CDCA7: variants seen among roughly 807,000 people sequenced by gnomAD.
The protein encoded by CDCA7 is cell division cycle associated 7, also known as cell division cycle-associated protein 7.
CDCA7 carries 28 observed loss-of-function variants against 54.0 expected under a neutral mutation model. The ratio of observed to expected loss-of-function variants is 0.52; its 90% confidence interval spans 0.38 to 0.71. CDCA7 has a LOEUF of 0.71. Ranked by LOEUF, CDCA7 falls within the 30% of genes least tolerant of loss-of-function variation. The probability of loss-of-function intolerance (pLI) is 0.00; values close to 1 mark genes in which losing one functional copy is unlikely to be tolerated. For missense variants in CDCA7, 484 were observed against 586.0 expected, an observed-to-expected ratio of 0.83 and a Z score of 1.80; for synonymous variants, 180 against 208.2, an observed-to-expected ratio of 0.86 and a Z score of 1.16.
rs761129739 is a variant in CDCA7 at position 173,354,981 on chromosome 2, G to A, written c.18G>A (p.Val6=). The A allele has an allele frequency of 1.0e-5, 15 of 1,431,204 alleles. No homozygotes were observed. In the Admixed American group the frequency reaches 4.3e-4, roughly 41 times the overall value. 88.7% of individuals were successfully genotyped at this position (1,431,204 alleles called of 1,614,324 possible). A position where few individuals can be genotyped will look rare whatever the true frequency, so the allele number is the denominator to read the frequency against. Residue 6 remains valine, a synonymous_variant, in exon 1 of 10, where the codon GTG becomes GTA. Coordinates refer to ENST00000306721, the MANE Select transcript of CDCA7 (RefSeq NM_031942.5). MDARR[V]PQKDLRVKKN... is the part of the protein sequence containing the mutation. ...CCACCAGCATGGACGCTCGCCGCGT[G>A]CCGGTGAGGGCTGGGCGGGCGAACC... is the stretch of plus-strand genomic sequence containing the variant.
chr2:173,367,321 A>G, intron 9 of CDCA7, 35 bp downstream of exon 9: 1 of 1,613,116 alleles, frequency 6.2e-7, no homozygotes, highest in Non-Finnish European at 8.5e-7. Context: ...CCACATCTGA[A>G]TTTTATATTC....
At chr2:173,362,408 T>A (rs1686637975) in intron 3 of CDCA7, among the ~76,000 whole-genome samples, 1 of 152,154 alleles carries the variant, frequency 6.6e-6, no homozygotes, top group African/African-American at 2.4e-5. Context: ...TGCACAACAA[T>A]GTGCATGTAT....
Position 173,358,772 on chromosome 2 carries a change from A to G in CDCA7, c.82A>G (p.Met28Val), listed in dbSNP as rs769206471. ...ATTCAGATATGTGAAGTTGATTTCC[A>G]TGGAAACCTCGTCATCCTCTGATGA... ...KKFRYVKLIS[M>V]ETSSSSDDSC... Residue 28 changes from methionine (M) to valine (V), a missense_variant, in exon 2 of 10, where the codon ATG becomes GTG. Around this residue, in one of 3 missense-constraint regions of CDCA7, gnomAD observed 398 missense variants for 447.4 expected, o/e 0.89. Coordinates refer to ENST00000306721, the MANE Select transcript of CDCA7 (RefSeq NM_031942.5). The G allele has an allele frequency of 6.2e-7, 1 of 1,614,036 alleles. No homozygotes were observed. Among genetic ancestry groups the G allele is most frequent in the Non-Finnish European group, 8.5e-7 (1 of 1,179,974 alleles).
chr2:173,362,567 C>G (rs1165963874), intron 3 of CDCA7, among the ~76,000 whole-genome samples: 1 of 123,608 alleles, frequency 8.1e-6, no homozygotes, highest in Non-Finnish European at 1.6e-5. Context: ...TAGGGGAACA[C>G]ATTTTTTTCC....
intron 5 of CDCA7, chr2:173,364,505 A>ATT: frequency 9.9e-5 from 23 of 232,022 alleles, no homozygotes; most frequent in Non-Finnish European, 1.5e-4. Flanking sequence ...CATCAGAGAA[A>ATT]ATTTTTTTTT....
intron 1 of CDCA7, chr2:173,358,509 G>A (rs1686554798): frequency 2.2e-6 from 1 of 462,572 alleles, no homozygotes; most frequent in South Asian, 3.2e-5. Context: ...TAGCCTGGAA[G>A]ACAGAGCGAG....
At chr2:173,356,797 C>G (rs182737875) in intron 1 of CDCA7, among the ~76,000 whole-genome samples, 1 of 152,168 alleles carries the variant, frequency 6.6e-6, no homozygotes, top group East Asian at 1.9e-4. Flanking sequence ...GAGCCACCCC[C>G]CTACACATAC....
At position 173,364,873 on chromosome 2, in the gene CDCA7, A is replaced by C. The variant is rs750009083; in HGVS notation, c.778A>C (p.Thr260Pro). ...CCCTGAACGGAGAGCTCGTCCTCTT[A>C]CCAGGTCAAGGTCCCGGATCCTCGG... is the stretch of plus-strand genomic sequence containing the variant. Reference protein sequence around the residue: ...RNPERRARPLTRSRSRILGSL... With the variant: ...RNPERRARPLPRSRSRILGSL... The change falls in exon 6 of 10, where the codon ACC becomes CCC. Residue 260 changes from threonine (T) to proline (P), a missense_variant. Thr to Pro is a conservative substitution (Grantham distance 38). This residue lies in a region of CDCA7 where 398 missense variants were observed against 447.4 expected (regional missense o/e 0.89). Transcript: ENST00000306721. 6.2e-7 allele frequency: 1 copy of C among 1,610,998 alleles called. No individual in the cohort carries two copies. The highest frequency in any genetic ancestry group is 2.2e-5 in the East Asian group (1 of 44,656).
intron 3 of CDCA7, among the ~76,000 whole-genome samples, chr2:173,360,596 C>T (rs1167699668): frequency 6.6e-6 from 1 of 152,094 alleles, no homozygotes; most frequent in East Asian, 1.9e-4. Context: ...CTCCCTCAGC[C>T]TACCCAGTAG....
chr2:173,367,601 A>G (rs753765609), intron 9 of CDCA7, 33 bp from the exon 10 acceptor site: 10 of 1,612,870 alleles, frequency 6.2e-6, no homozygotes, highest in Non-Finnish European at 8.5e-6. Context: ...GTTGAAAACT[A>G]TGTCCTGACA....
chr2:173,361,961 C>T (rs1370193112), intron 3 of CDCA7, among the ~76,000 whole-genome samples: 4 of 152,072 alleles, frequency 2.6e-5, no homozygotes, highest in South Asian at 4.1e-4. Flanking sequence ...GGATTACAGG[C>T]GTGTGCCACT....
chr2:173,365,369 T>C lies in CDCA7; in HGVS notation c.895-83T>C, dbSNP rs780490412. 182 of 1,444,780 alleles carry C rather than the reference T, an allele frequency of 1.3e-4. 1 individual carries two copies. Among genetic ancestry groups the C allele is most frequent in the Admixed American group, 5.0e-4 (24 of 48,168 alleles). The allele number at this position is 1,444,780 out of a possible 1,614,324, so 89.5% of individuals were successfully genotyped here. Reference sequence around the variant, plus strand: ...GCCAGTTTTGAATCTCTGTGTTTCATATTTGAATCTGTTTTTTCAGTTTTG... The same window carrying C: ...GCCAGTTTTGAATCTCTGTGTTTCACATTTGAATCTGTTTTTTCAGTTTTG... On this transcript the variant is annotated intron_variant, in intron 6 of 9. Coordinates refer to ENST00000306721, the MANE Select transcript of CDCA7 (RefSeq NM_031942.5).
chr2:173,364,567 C>G lies in CDCA7; in HGVS notation c.700-228C>G, dbSNP rs58604346. ...CTTCATTAAGTAAAAGAATAAATAG[C>G]TCATCTCTCAAGTTGAAAGAAACTG... On this transcript the variant is annotated intron_variant, in intron 5 of 9. Coordinates refer to ENST00000306721, the MANE Select transcript of CDCA7 (RefSeq NM_031942.5). 6.2e-3 allele frequency: 2,594 copies of G among 417,814 alleles called. 54 individuals carry two copies. The highest frequency in any genetic ancestry group is 0.049 in the African/African-American group (2,258 of 46,140). 25.9% of individuals were successfully genotyped at this position (417,814 alleles called of 1,614,324 possible).
rs185619560 is a variant in CDCA7, at chr2:173,364,624, G to A, written c.700-171G>A. 8.9e-5 allele frequency: 76 copies of A among 855,988 alleles called. No homozygotes were observed. In the Admixed American group the frequency reaches 1.9e-3, roughly 22 times the overall value. 53.0% of individuals were successfully genotyped at this position (855,988 alleles called of 1,614,324 possible). On this transcript the variant is annotated intron_variant, in intron 5 of 9. Transcript: ENST00000306721. ...GTATTACAAAAGCAAAATTAAGATG[G>A]CCATATAGGTTTTAGGCTCATTTTG... is the stretch of plus-strand genomic sequence containing the variant.
rs529405145 is a variant in CDCA7 at position 173,368,574 on chromosome 2, A to G, written c.*910A>G. The G allele has an allele frequency of 2.0e-5, 3 of 152,330 alleles. No homozygotes were observed. The highest frequency in any genetic ancestry group is 3.9e-4 in the East Asian group (2 of 5,184). The allele number at this position is 152,330 out of a possible 1,614,324, so 9.4% of individuals were successfully genotyped here. A position where few individuals can be genotyped will look rare whatever the true frequency, so the allele number is the denominator to read the frequency against. ...ATTTATAAACCAGGCACAAGGTTCA[A>G]GTTTAGATTTTAAGCACTTTTATAA... On this transcript the variant is annotated 3_prime_UTR_variant, in exon 10 of 10. Transcript: ENST00000306721.
At chr2:173,356,321 C>T (rs1366714993) in intron 1 of CDCA7, 2 of 152,114 alleles carry the variant, frequency 1.3e-5, no homozygotes, top group African/African-American at 4.8e-5. Context: ...AATAGAATGC[C>T]GCCTTTGAGG....
chr2:173,365,076 T>A, intron 6 of CDCA7, 87 bp downstream of exon 6: 1 of 1,444,752 alleles, frequency 6.9e-7, no homozygotes, highest in Non-Finnish European at 9.0e-7. Flanking sequence ...ACGCACATCC[T>A]TAACACCAGG....
At chr2:173,358,214 A>G (rs1223957637) in intron 1 of CDCA7, among the ~76,000 whole-genome samples, 1 of 151,690 alleles carries the variant, frequency 6.6e-6, no homozygotes. Flanking sequence ...AAAAAAAAAA[A>G]AAGAATTTGA....
chr2:173,356,497 C>T (rs1168722776), intron 1 of CDCA7, among the ~76,000 whole-genome samples: 1 of 152,166 alleles, frequency 6.6e-6, no homozygotes, highest in African/African-American at 2.4e-5. Context: ...CTTGAATATC[C>T]TCATCTGGAA....
Sources: gnomAD v4.1 joint callset for allele counts (sites outside exome capture counted in the v4.1 genomes callset) on GRCh38, gnomAD v4.1.1 for gene constraint, gnomAD v4.1.1 regional missense constraint, MANE v1.5 for transcripts, NCBI Gene and HGNC (gene_info 2026-07-23, HGNC 2026-07-21) for gene names.